The following ATP7B variants were observed in gnomAD, a reference collection of about 807,000 sequenced individuals.
ATP7B encodes the protein copper-transporting ATPase 2.
A neutral mutation model predicts 118.9 loss-of-function variants in ATP7B; 113 were observed. The observed-to-expected ratio is 0.95, with a 90% CI of 0.82 to 1.11. ATP7B has a LOEUF of 1.11. Ranked by LOEUF, ATP7B falls within the 50% of genes most tolerant of loss-of-function variation. ATP7B has a pLI of 0.00. For synonymous variants in ATP7B, 777 were observed against 727.4 expected (o/e 1.07, Z -1.10); for missense variants, 1,867 against 1,871.4 (o/e 1.00, Z 0.04).
At chr13:51,942,596 G>C in intron 14 of ATP7B, 42 bp from the exon 15 acceptor site, 2 of 1,611,918 alleles carry the variant, frequency 1.2e-6, no homozygotes, top group South Asian at 2.2e-5. Flanking sequence ...TGTAAGCCAA[G>C]AGGGGTGAAG....
chr13:52,002,591 GGAGGGGAGGGGA>G, intron 1 of ATP7B, among the ~76,000 whole-genome samples: 1 of 145,844 alleles, frequency 6.9e-6, no homozygotes, highest in Non-Finnish European at 1.5e-5. Context: ...AGAGGGGAGG[GGAGGGGAGGGGA>G]AGGGAGCAAG....
At chr13:51,993,775 T>C (rs959424360) in intron 1 of ATP7B, among the ~76,000 whole-genome samples, 1 of 152,176 alleles carries the variant, frequency 6.6e-6, no homozygotes, top group African/African-American at 2.4e-5. Flanking sequence ...TTCACAATCA[T>C]ATGAGGCAGG....
Position 51,968,468 on chromosome 13 carries a change from G to T in ATP7B, c.1683C>A (p.Gly561=). 6.2e-7 allele frequency: 1 copy of T among 1,614,184 alleles called. No homozygotes were observed. The highest frequency in any genetic ancestry group is 1.1e-5 in the South Asian group (1 of 91,084). ...FEAAVMEDYA[G]SDGNIELTIT... ...CTGTCAGCTCAATGTTGCCATCGGA[G>T]CCTGCGTAGTCCTCCATGACTGCTG... Residue 561 remains glycine, a synonymous_variant, in exon 4 of 21, where the codon GGC becomes GGA. Coordinates refer to ENST00000242839, the MANE Select transcript of ATP7B (RefSeq NM_000053.4).
rs1321226935 is a variant in ATP7B at position 51,974,961 on chromosome 13, T to C, written c.259A>G (p.Ile87Val). 1.9e-6 allele frequency: 3 copies of C among 1,614,214 alleles called. No individual in the cohort carries two copies. Among genetic ancestry groups the C allele is most frequent in the East Asian group, 2.2e-5 (1 of 44,878 alleles). Residue 87 changes from isoleucine to valine, a missense_variant, in exon 2 of 21, where the codon ATC (isoleucine) becomes GTC (valine). Transcript: ENST00000242839. ...EDRISNLKGI[I>V]SMKVSLEQGS... ...TGTTCCAGGGAAACCTTCATGCTGA[T>C]GATGCCTTTCAAATTGGAAATCCTG...
chr13:51,971,407 G>A (rs1037448836), intron 2 of ATP7B, among the ~76,000 whole-genome samples: 1 of 151,644 alleles, frequency 6.6e-6, no homozygotes, highest in Non-Finnish European at 1.5e-5. Context: ...ATACCTCTTC[G>A]GCTAAATAAA....
rs535830287 is a variant in ATP7B, at chr13:51,986,205, C to T, written c.52-11037G>A. ...AGAAGAAAAGAGAGAGGAATCAAATCGATGCAATAAAAAATGATAAAGGAG... is the reference window on the plus strand; with the variant it reads ...AGAAGAAAAGAGAGAGGAATCAAATTGATGCAATAAAAAATGATAAAGGAG... On this transcript the variant is annotated intron_variant, in intron 1 of 20. Coordinates refer to ENST00000242839, the MANE Select transcript of ATP7B (RefSeq NM_000053.4). 5.3e-5 allele frequency among the ~76,000 whole-genome samples: 8 copies of T among 151,968 alleles called. No homozygotes were observed. The East Asian group carries it at 1.4e-3, about 26-fold the overall frequency.
chr13:51,974,992 A>G lies in ATP7B; in HGVS notation c.228T>C (p.Ile76=). The G allele has an allele frequency of 6.2e-7, 1 of 1,614,184 alleles. No homozygotes were observed. Residue 76 remains isoleucine (I), a synonymous_variant, in exon 2 of 21, where the codon ATT becomes ATC. Transcript: ENST00000242839. Reference sequence around the variant, plus strand: ...CTTTCAAATTGGAAATCCTGTCCTCAATGGACTTCACACATGACTGGCAAG... The same window carrying G: ...CTTTCAAATTGGAAATCCTGTCCTCGATGGACTTCACACATGACTGGCAAG... ...GMTCQSCVKS[I]EDRISNLKGI...
At position 51,945,178 on chromosome 13, in the gene ATP7B, C is replaced by T. The variant is rs141078353; in HGVS notation, c.3061-887G>A. 1.4e-3 allele frequency among the ~76,000 whole-genome samples: 209 copies of T among 152,320 alleles called. 1 individual carries two copies. Among genetic ancestry groups the T allele is most frequent in the Non-Finnish European group, 2.0e-3 (137 of 68,028 alleles). On this transcript the variant is annotated intron_variant, in intron 13 of 20. Coordinates refer to ENST00000242839, the MANE Select transcript of ATP7B (RefSeq NM_000053.4). Reference sequence around the variant, plus strand: ...CAGCCGGAATGATCTTCCCAACACACGATCCAGTCACATCACGTGGGTATG... The same window carrying T: ...CAGCCGGAATGATCTTCCCAACACATGATCCAGTCACATCACGTGGGTATG...
chr13:51,950,894 G>A (rs149761715), intron 9 of ATP7B, among the ~76,000 whole-genome samples: 67 of 152,220 alleles, frequency 4.4e-4, no homozygotes, highest in Admixed American at 9.8e-4. Flanking sequence ...GGAAGGGTGC[G>A]TCTGAGAAAC....
At chr13:52,011,525 C>T, upstream of ATP7B, 1 of 701,000 alleles carries the variant, frequency 1.4e-6, no homozygotes, top group Non-Finnish European at 2.5e-6. Context: ...GGGGAAGCCG[C>T]AGCCCTCTTC....
intron 12 of ATP7B, 141 bp downstream of exon 12, chr13:51,949,521 T>A: frequency 8.1e-7 from 1 of 1,236,234 alleles, no homozygotes; most frequent in South Asian, 1.3e-5. Flanking sequence ...TGGCTTAGAT[T>A]TTGCTGTCAA....
At chr13:51,988,881 G>T (rs1163046794) in intron 1 of ATP7B, among the ~76,000 whole-genome samples, 1 of 121,292 alleles carries the variant, frequency 8.2e-6, no homozygotes, top group Non-Finnish European at 1.6e-5. Flanking sequence ...ACAGGGAGGG[G>T]AACATCACAC....
Position 51,964,946 on chromosome 13 carries a change from G to C in ATP7B, c.1795C>G (p.Leu599Val). Residue 599 changes from leucine (L) to valine (V), a missense_variant, in exon 5 of 21, where the codon CTT (leucine) becomes GTT (valine). By Grantham distance (32) the Leu-to-Val change is conservative. Transcript: ENST00000242839. ...TNGITYASVA[L>V]ATSKALVKFD... Reference sequence around the variant, plus strand: ...TTAACAAGGGCTTTGCTGGTGGCAAGGGCAACGGAGGCATAAGTGATGCCA... The same window carrying C: ...TTAACAAGGGCTTTGCTGGTGGCAACGGCAACGGAGGCATAAGTGATGCCA... 4 of 1,614,162 alleles carry C rather than the reference G, an allele frequency of 2.5e-6. No homozygotes were observed. Among genetic ancestry groups the C allele is most frequent in the Non-Finnish European group, 3.4e-6 (4 of 1,180,014 alleles).
chr13:52,005,920 G>A (rs1181809316), intron 1 of ATP7B, among the ~76,000 whole-genome samples: 3 of 152,140 alleles, frequency 2.0e-5, no homozygotes, highest in African/African-American at 7.2e-5. Context: ...TGGCCGTAAC[G>A]CCCACGCTGG....
intron 13 of ATP7B, among the ~76,000 whole-genome samples, chr13:51,944,867 G>A (rs1404081735): frequency 6.6e-6 from 1 of 152,162 alleles, no homozygotes; most frequent in Admixed American, 6.5e-5. Context: ...GCTCAGATAT[G>A]GGCAGCAGCT....
intron 7 of ATP7B, chr13:51,959,775 A>G: frequency 3.1e-6 from 1 of 323,284 alleles, no homozygotes; most frequent in Non-Finnish European, 6.0e-6. Flanking sequence ...CATGGGCTCA[A>G]GGGTGATCCA....
intron 9 of ATP7B, among the ~76,000 whole-genome samples, chr13:51,950,652 G>A (rs1032281864): frequency 6.6e-6 from 1 of 152,110 alleles, no homozygotes; most frequent in African/African-American, 2.4e-5. Flanking sequence ...GGTAGAAATG[G>A]ACAACAAGCA....
At chr13:51,949,309 T>G (rs1220549553) in intron 12 of ATP7B, among the ~76,000 whole-genome samples, 1 of 152,214 alleles carries the variant, frequency 6.6e-6, no homozygotes, top group East Asian at 1.9e-4. Context: ...TTAAATAATA[T>G]TATCATGCCA....
chr13:51,937,571 T>A lies in ATP7B; in HGVS notation c.3808A>T (p.Asn1270Tyr). The change falls in exon 18 of 21, where the codon AAT (asparagine) becomes TAT (tyrosine). Residue 1270 changes from asparagine (N) to tyrosine (Y), a missense_variant. Coordinates refer to ENST00000242839, the MANE Select transcript of ATP7B (RefSeq NM_000053.4). ...KKVAMVGDGV[N>Y]DSPALAQADM... ...GCCTGGGCCAAGGCCGGGGAGTCAT[T>A]GACCCCATCCCCCACCATGGCGACT... 6.2e-7 allele frequency: 1 copy of A among 1,614,246 alleles called. No individual in the cohort carries two copies.
Sources: gnomAD v4.1 joint callset for allele counts (sites outside exome capture counted in the v4.1 genomes callset) on GRCh38, gnomAD v4.1.1 for gene constraint, MANE v1.5 for transcripts, NCBI Gene and HGNC (gene_info 2026-07-23, HGNC 2026-07-21) for gene names.